The following LPA variants were observed in gnomAD, a reference collection of about 807,000 sequenced individuals.
LPA encodes lipoprotein(a).
LPA carries 199 observed loss-of-function variants against 197.9 expected under a neutral mutation model. The ratio of observed to expected loss-of-function variants is 1.01; its 90% CI spans 0.90 to 1.13. The LOEUF is 1.13. Among genes scored for constraint, LPA ranks in the 50% most tolerant of loss-of-function variants. The pLI is 0.00. For missense variants in LPA, 1,853 were observed against 1,785.8 expected (o/e 1.04, Z -0.68); for synonymous variants, 715 against 639.5 (o/e 1.12, Z -1.78).
intron 26 of LPA, among the ~76,000 whole-genome samples, chr6:160,582,375 T>G (rs963741508): frequency 8.5e-5 from 13 of 152,086 alleles, no homozygotes; most frequent in African/African-American, 3.1e-4. Context: ...CTTTTTTTCT[T>G]TCTTACACTC....
chr6:160,550,599 G>A (rs778549217), intron 30 of LPA, among the ~76,000 whole-genome samples: 1 of 152,158 alleles, frequency 6.6e-6, no homozygotes, highest in Non-Finnish European at 1.5e-5. Flanking sequence ...TGATGAACAT[G>A]TACACTTGTG....
At chr6:160,663,994 G>A (rs41269844) in intron 1 of LPA, among the ~76,000 whole-genome samples, 172 bp downstream of exon 1, 1 of 150,892 alleles carries the variant, frequency 6.6e-6, no homozygotes, top group South Asian at 2.1e-4. Flanking sequence ...CAGTCTTCAC[G>A]GGGAAATTAA....
At chr6:160,660,408 G>A (rs940903694) in intron 1 of LPA, among the ~76,000 whole-genome samples, 2 of 152,016 alleles carry the variant, frequency 1.3e-5, no homozygotes, top group African/African-American at 2.4e-5. Flanking sequence ...TTCTCTCAGG[G>A]GCTTCCACCT....
Position 160,599,618 on chromosome 6 carries a change from G to A in LPA, c.3169C>T (p.His1057Tyr), listed in dbSNP as rs755297866. The part of the protein sequence containing the change: ...ETPGVQDCYY[H>Y]YGQSYRGTYS... ...GTGCCTCGGTAACTCTGTCCATAATGGTAGTAGCAGTCCTGTACCCCGGGG... is the reference window on the plus strand; with the variant it reads ...GTGCCTCGGTAACTCTGTCCATAATAGTAGTAGCAGTCCTGTACCCCGGGG... Residue 1057 changes from histidine (H) to tyrosine (Y), a missense_variant, in exon 20 of 39, where the codon CAT (histidine) becomes TAT (tyrosine). Around this residue, in one of 3 missense-constraint regions of LPA, gnomAD observed 1,737 missense variants for 1,504.4 expected, o/e 1.15. Coordinates refer to ENST00000316300, the MANE Select transcript of LPA (RefSeq NM_005577.4). 4 of 1,614,090 alleles carry A rather than the reference G, an allele frequency of 2.5e-6. No homozygotes were observed. The highest frequency in any genetic ancestry group is 1.7e-5 in the Admixed American group (1 of 60,026).
rs570204898 is a variant in LPA at position 160,588,013 on chromosome 6, T to C, written c.3948-1383A>G. On this transcript the variant is annotated intron_variant, in intron 24 of 38. Coordinates refer to ENST00000316300, the MANE Select transcript of LPA (RefSeq NM_005577.4). ...TGCTATTCTGCTTTTGTTTCTCTCA[T>C]GGTCAGCTTTTGCTGACATTTTCCT... is the stretch of plus-strand genomic sequence containing the variant. Among the ~76,000 whole-genome samples, 255 of 151,732 alleles carry C rather than the reference T, an allele frequency of 1.7e-3. 1 individual carries two copies. The highest frequency in any genetic ancestry group is 5.8e-3 in the African/African-American group (238 of 41,002).
rs201878758 is a variant in LPA at position 160,605,206 on chromosome 6, C to A, written c.2786-1G>T. 3 of 1,613,378 alleles carry A rather than the reference C, an allele frequency of 1.9e-6. No homozygotes were observed. Among genetic ancestry groups the A allele is most frequent in the East Asian group, 4.5e-5 (2 of 44,860 alleles). On this transcript the variant is annotated splice_acceptor_variant, in intron 17 of 38. Transcript: ENST00000316300. LOFTEE classifies it high-confidence loss of function. ...ACCCCAGGCCTTTGCTCAGTTGGTG[C>A]TGAAATGAAAAGAAAAGAAATCAAA...
intron 26 of LPA, among the ~76,000 whole-genome samples, chr6:160,584,170 TTTCTTC>T (rs56164694): frequency 0.066 from 6,847 of 102,974 alleles, 334 homozygotes; most frequent in Non-Finnish European, 0.088. Flanking sequence ...TCATTTCTAT[TTTCTTC>T]TTCTTCTTCT....
At chr6:160,597,200 A>T (rs1779150437) in intron 20 of LPA, among the ~76,000 whole-genome samples, 1 of 152,286 alleles carries the variant, frequency 6.6e-6, no homozygotes, top group East Asian at 1.9e-4. Flanking sequence ...CAAAGATACT[A>T]TGTCTAATTT....
rs369618441 is a variant in LPA, at chr6:160,585,068, T to C, written c.4267A>G (p.Ile1423Val). The C allele has an allele frequency of 9.3e-6, 15 of 1,613,680 alleles. No individual in the cohort carries two copies. In the African/African-American group the frequency reaches 1.9e-4, roughly 20 times the overall value. ...SSMTPHWHRR[I>V]PLYYPNAGLT... Reference sequence around the variant, plus strand: ...TACGCATTTGGATAGTATAATGGGATCCTCCGATGCCAATGTGGTGTCATA... The same window carrying C: ...TACGCATTTGGATAGTATAATGGGACCCTCCGATGCCAATGTGGTGTCATA... Residue 1423 changes from isoleucine to valine, a missense_variant, in exon 26 of 39, where the codon ATC becomes GTC. By Grantham distance (29) the Ile-to-Val change is conservative (BLOSUM62 3). Transcript: ENST00000316300.
At chr6:160,541,270 G>A in intron 34 of LPA, 89 bp from the exon 35 acceptor site, 1 of 959,620 alleles carries the variant, frequency 1.0e-6, no homozygotes, top group South Asian at 1.3e-5. Flanking sequence ...AGTTCACTCA[G>A]TTTTGATCAT....
In LPA at chr6:160,537,907, G is replaced by A. The variant is rs760463467; in HGVS notation, c.5790C>T (p.Tyr1930=). 6.2e-7 allele frequency: 1 copy of A among 1,614,240 alleles called. No homozygotes were observed. The highest frequency in any genetic ancestry group is 8.5e-7 in the Non-Finnish European group (1 of 1,180,046). Residue 1930 remains tyrosine (Y), a synonymous_variant, in exon 37 of 39, where the codon TAC becomes TAT. Transcript: ENST00000316300. Reference sequence around the variant, plus strand: ...AACATTCAGTCCTGGCGGTGACCATGTAGTCTGGGGATGGCAGACAAGCTG... The same window carrying A: ...AACATTCAGTCCTGGCGGTGACCATATAGTCTGGGGATGGCAGACAAGCTG... ...VMPACLPSPD[Y]MVTARTECYI...
At chr6:160,606,262 T>A (rs1264704853) in intron 17 of LPA, among the ~76,000 whole-genome samples, 1 of 152,178 alleles carries the variant, frequency 6.6e-6, no homozygotes, top group East Asian at 1.9e-4. Context: ...CTGGAGGGTT[T>A]GTGCCAATTC....
At chr6:160,578,267 C>G (rs1405572822) in intron 27 of LPA, among the ~76,000 whole-genome samples, 1 of 152,054 alleles carries the variant, frequency 6.6e-6, no homozygotes, top group Non-Finnish European at 1.5e-5. Flanking sequence ...CATTTAATAA[C>G]CAGGGGAGTG....
intron 24 of LPA, among the ~76,000 whole-genome samples, chr6:160,588,590 G>A (rs903902180): frequency 8.5e-5 from 13 of 152,068 alleles, no homozygotes; most frequent in Non-Finnish European, 1.3e-4. Flanking sequence ...CTGTGCATAC[G>A]CAGCTTTGTA....
At chr6:160,576,359 T>TGTATAC (rs1778663993) in intron 28 of LPA, among the ~76,000 whole-genome samples, 2 of 30,836 alleles carry the variant, frequency 6.5e-5, no homozygotes, top group East Asian at 1.9e-3. Context: ...TATATATATA[T>TGTATAC]ATATATACAT....
At chr6:160,565,284 A>C (rs966684637) in intron 28 of LPA, among the ~76,000 whole-genome samples, 7 of 152,162 alleles carry the variant, frequency 4.6e-5, no homozygotes, top group Non-Finnish European at 7.3e-5. Flanking sequence ...GTAGGGGCCA[A>C]CTGACACCTC....
Position 160,531,597 on chromosome 6 carries a change from C to A in LPA, c.*132G>T. 7.9e-7 allele frequency: 1 copy of A among 1,272,154 alleles called. No individual in the cohort carries two copies. The highest frequency in any genetic ancestry group is 1.1e-6 in the Non-Finnish European group (1 of 884,764). The allele number at this position is 1,272,154 out of a possible 1,614,324, so 78.8% of individuals were successfully genotyped here. A position where few individuals can be genotyped will look rare whatever the true frequency, so the allele number is the denominator to read the frequency against. Reference sequence around the variant, plus strand: ...TTATACACAAAAATACCAAAAATGCCAAGGTTTGGCATAGCTGGTAGCTGG... The same window carrying A: ...TTATACACAAAAATACCAAAAATGCAAAGGTTTGGCATAGCTGGTAGCTGG... On this transcript the variant is annotated 3_prime_UTR_variant, in exon 39 of 39. Transcript: ENST00000316300.
chr6:160,600,831 G>A, intron 19 of LPA, 86 bp downstream of exon 19: 1 of 1,399,100 alleles, frequency 7.1e-7, no homozygotes, highest in Non-Finnish European at 1.0e-6. Flanking sequence ...AACCAGTGTA[G>A]CACTGAAGGG....
intron 28 of LPA, among the ~76,000 whole-genome samples, chr6:160,571,949 G>A (rs550047707): frequency 5.3e-5 from 8 of 152,328 alleles, no homozygotes; most frequent in African/African-American, 1.9e-4. Context: ...AGCTAGCTTA[G>A]TGTCTGCCCA....
Sources: allele counts gnomAD v4.1 joint callset (sites outside exome capture counted in the v4.1 genomes callset), GRCh38; gene constraint gnomAD v4.1.1; regional missense constraint gnomAD v4.1.1; transcripts MANE v1.5; gene names NCBI Gene and HGNC (gene_info 2026-07-23, HGNC 2026-07-21).